TCF7L2: variants seen among roughly 807,000 people sequenced by gnomAD.
The protein encoded by TCF7L2 is transcription factor 7 like 2, also known as transcription factor 7-like 2.
Under a neutral mutation model 77.9 loss-of-function variants are expected in TCF7L2, and 23 were observed. The observed-to-expected ratio is 0.30, with a 90% CI of 0.21 to 0.42. The LOEUF (loss-of-function observed/expected upper bound fraction) is 0.42, where lower values mean the gene tolerates loss of function less well. Among genes scored for constraint, TCF7L2 ranks in the 10% least tolerant of loss-of-function variants. The pLI is 1.00. For missense variants in TCF7L2, 654 were observed against 793.1 expected (o/e 0.82, Z 2.11); for synonymous variants, 413 against 340.2 (o/e 1.21, Z -2.36).
chr10:113,056,487 A>G (rs535647365), intron 5 of TCF7L2, among the ~76,000 whole-genome samples: 6 of 152,150 alleles, frequency 3.9e-5, no homozygotes, highest in Non-Finnish European at 7.3e-5. Flanking sequence ...GAAGAATTCC[A>G]TATTTCATGT....
intron 5 of TCF7L2, among the ~76,000 whole-genome samples, chr10:113,108,832 T>G (rs1029243817): frequency 2.6e-5 from 4 of 152,262 alleles, no homozygotes; most frequent in African/African-American, 9.6e-5. Flanking sequence ...TCTTCCACTT[T>G]AGGAATAACA....
At chr10:112,977,655 A>G (rs1217139261) in intron 4 of TCF7L2, among the ~76,000 whole-genome samples, 1 of 152,180 alleles carries the variant, frequency 6.6e-6, no homozygotes, top group Admixed American at 6.5e-5. Context: ...ATCCATTTAA[A>G]TCTCATAATG....
chr10:113,148,959 T>TAC (rs146224343), intron 8 of TCF7L2, among the ~76,000 whole-genome samples: 2 of 152,002 alleles, frequency 1.3e-5, no homozygotes, highest in Non-Finnish European at 2.9e-5. Flanking sequence ...TACACACACG[T>TAC]ACACACACAC....
At chr10:112,961,096 C>G (rs956264280) in intron 3 of TCF7L2, among the ~76,000 whole-genome samples, 68 of 152,224 alleles carry the variant, frequency 4.5e-4, no homozygotes, top group African/African-American at 1.4e-3. Flanking sequence ...TCACCGCAAC[C>G]TCCCCCTCCC....
intron 4 of TCF7L2, among the ~76,000 whole-genome samples, chr10:113,038,287 C>T (rs2051724736): frequency 6.6e-6 from 1 of 152,076 alleles, no homozygotes; most frequent in Non-Finnish European, 1.5e-5. Flanking sequence ...CAAGGGGAGT[C>T]GATGCAGGGT....
chr10:113,026,494 C>T (rs1414071719), intron 4 of TCF7L2, among the ~76,000 whole-genome samples: 2 of 152,144 alleles, frequency 1.3e-5, no homozygotes, highest in Non-Finnish European at 2.9e-5. Context: ...TTTTTCTAGA[C>T]CCTTCTGTCA....
chr10:113,000,708 G>A (rs1309335440), intron 4 of TCF7L2, among the ~76,000 whole-genome samples: 1 of 152,198 alleles, frequency 6.6e-6, no homozygotes, highest in East Asian at 1.9e-4. Context: ...CCGGAGGGGA[G>A]GGCAAGGAAT....
intron 5 of TCF7L2, among the ~76,000 whole-genome samples, chr10:113,112,363 T>C (rs2136118441): frequency 6.6e-6 from 1 of 152,320 alleles, no homozygotes; most frequent in South Asian, 2.1e-4. Flanking sequence ...CACACATGCG[T>C]GCACACGCAC....
At chr10:112,973,502 C>G (rs2038727647) in intron 4 of TCF7L2, among the ~76,000 whole-genome samples, 1 of 152,202 alleles carries the variant, frequency 6.6e-6, no homozygotes, top group South Asian at 2.1e-4. Context: ...CTGGAATCTG[C>G]TACCACTTCC....
intron 5 of TCF7L2, among the ~76,000 whole-genome samples, chr10:113,123,826 T>C (rs1401443688): frequency 1.3e-5 from 2 of 152,240 alleles, no homozygotes; most frequent in South Asian, 2.1e-4. Flanking sequence ...TGGGATTCTT[T>C]ATTGCTTTCT....
At chr10:112,990,170 A>G (rs1014593455) in intron 4 of TCF7L2, among the ~76,000 whole-genome samples, 1 of 152,204 alleles carries the variant, frequency 6.6e-6, no homozygotes. Context: ...GACACATAGC[A>G]GTGGGGACCA....
At chr10:113,042,214 C>T (rs1447585901) in intron 5 of TCF7L2, among the ~76,000 whole-genome samples, 1 of 152,122 alleles carries the variant, frequency 6.6e-6, no homozygotes, top group Non-Finnish European at 1.5e-5. Flanking sequence ...TGGATTTTGG[C>T]CAGGGGTGCA....
intron 4 of TCF7L2, among the ~76,000 whole-genome samples, chr10:113,010,522 A>G (rs938847775): frequency 6.6e-6 from 1 of 152,190 alleles, no homozygotes; most frequent in African/African-American, 2.4e-5. Context: ...TACCTGCATC[A>G]TCTCAATTCT....
At chr10:113,009,554 C>T (rs969025402) in intron 4 of TCF7L2, among the ~76,000 whole-genome samples, 2 of 152,176 alleles carry the variant, frequency 1.3e-5, no homozygotes, top group Non-Finnish European at 2.9e-5. Context: ...GGATGGGTCT[C>T]CAAAGCTTCA....
chr10:112,979,856 T>G (rs1417300233), intron 4 of TCF7L2, among the ~76,000 whole-genome samples: 1 of 152,194 alleles, frequency 6.6e-6, no homozygotes, highest in Admixed American at 6.5e-5. Context: ...TAGTTACCAG[T>G]AGAATGTACG....
At chr10:113,143,874 C>G (rs1564955916) in intron 6 of TCF7L2, 49 bp from the exon 7 acceptor site, 2 of 1,461,960 alleles carry the variant, frequency 1.4e-6, no homozygotes, top group South Asian at 1.2e-5. Flanking sequence ...ATGGATTGCT[C>G]TTTCCTTCTC....
At chr10:113,164,966 T>C (rs1042788588) in intron 13 of TCF7L2, among the ~76,000 whole-genome samples, 14 of 152,236 alleles carry the variant, frequency 9.2e-5, no homozygotes, top group South Asian at 4.1e-4. Flanking sequence ...CCTTCAGCTA[T>C]GTGGGCTCAA....
At chr10:113,138,980 T>G (rs3814575) in intron 5 of TCF7L2, among the ~76,000 whole-genome samples, 1 of 151,966 alleles carries the variant, frequency 6.6e-6, no homozygotes, top group Non-Finnish European at 1.5e-5. Context: ...GCCCTTTCTC[T>G]TCCCATGTGA....
At chr10:113,060,242 G>A (rs1176026766) in intron 5 of TCF7L2, among the ~76,000 whole-genome samples, 2 of 152,190 alleles carry the variant, frequency 1.3e-5, no homozygotes, top group Admixed American at 1.3e-4. Flanking sequence ...AGGAATTGCA[G>A]GCACAGAGGA....
Sources: allele counts gnomAD v4.1 joint callset (sites outside exome capture counted in the v4.1 genomes callset), GRCh38; gene constraint gnomAD v4.1.1; transcripts MANE v1.5; gene names NCBI Gene and HGNC (gene_info 2026-07-23, HGNC 2026-07-21).